ABCA10: variants seen among roughly 807,000 people sequenced by gnomAD.
The protein encoded by ABCA10 is ATP-binding cassette sub-family A member 10.
In ABCA10, 169 loss-of-function variants were observed where a neutral mutation model predicts 187.5. The ratio of observed to expected loss-of-function variants is 0.90; its 90% CI spans 0.80 to 1.02. The LOEUF (loss-of-function observed/expected upper bound fraction) is 1.02, where lower values mean the gene tolerates loss of function less well. ABCA10 is among the 50% of genes least tolerant of loss of function. The pLI is 0.00. For missense variants in ABCA10, 1,727 were observed against 1,812.4 expected (o/e 0.95, Z 0.86); for synonymous variants, 574 against 601.8 (o/e 0.95, Z 0.68).
In ABCA10 at chr17:69,182,148, C is replaced by CT; in HGVS notation, c.2769+4dup. On this transcript the variant is annotated splice_donor_region_variant and intron_variant, in intron 22 of 38. Coordinates refer to ENST00000690296, the MANE Select transcript of ABCA10 (RefSeq NM_001377321.1). ...CCTCTTATATAAGTCGAATACTCTA[C>CT]TTACACGAGAAAATGAAGTGCTCTC... The CT allele has an allele frequency of 6.4e-7, 1 of 1,573,196 alleles. No homozygotes were observed. The highest frequency in any genetic ancestry group is 8.6e-7 in the Non-Finnish European group (1 of 1,160,278).
intron 25 of ABCA10, among the ~76,000 whole-genome samples, chr17:69,171,844 T>C (rs571519629): frequency 2.7e-5 from 4 of 148,446 alleles, no homozygotes; most frequent in Non-Finnish European, 5.9e-5. Flanking sequence ...GTTTTAAGAA[T>C]GAGGGTGAAA....
At position 69,148,550 on chromosome 17, in the gene ABCA10, C is replaced by G; in HGVS notation, c.*277G>C. The G allele has an allele frequency of 3.5e-6, 1 of 288,612 alleles. No individual in the cohort carries two copies. The highest frequency in any genetic ancestry group is 6.5e-6 in the Non-Finnish European group (1 of 154,224). 17.9% of individuals were successfully genotyped at this position (288,612 alleles called of 1,614,324 possible). ...TTTATTGATAATAACCGATAACCAACCTAATATTGTATGATTTTTAAATTA... is the reference window on the plus strand; with the variant it reads ...TTTATTGATAATAACCGATAACCAAGCTAATATTGTATGATTTTTAAATTA... On this transcript the variant is annotated 3_prime_UTR_variant, in exon 39 of 39. Coordinates refer to ENST00000690296, the MANE Select transcript of ABCA10 (RefSeq NM_001377321.1).
intron 9 of ABCA10, among the ~76,000 whole-genome samples, chr17:69,208,257 A>C (rs2074606658): frequency 6.6e-6 from 1 of 151,942 alleles, no homozygotes; most frequent in East Asian, 1.9e-4. Context: ...CTCTACTAAA[A>C]ATACAAAAAA....
At chr17:69,180,365 A>G (rs749297912) in intron 22 of ABCA10, among the ~76,000 whole-genome samples, 5 of 152,188 alleles carry the variant, frequency 3.3e-5, no homozygotes, top group Non-Finnish European at 5.9e-5. Flanking sequence ...TATAATTATT[A>G]CTTTCAAGAA....
intron 3 of ABCA10, among the ~76,000 whole-genome samples, 200 bp downstream of exon 3, chr17:69,225,125 A>C (rs2074783063): frequency 6.6e-6 from 1 of 152,030 alleles, no homozygotes; most frequent in African/African-American, 2.4e-5. Context: ...AAAAACAAAC[A>C]AACAAACAAA....
intron 21 of ABCA10, 128 bp from the exon 22 acceptor site, chr17:69,182,418 C>A: frequency 1.0e-6 from 1 of 998,476 alleles, no homozygotes; most frequent in Non-Finnish European, 1.3e-6. Context: ...GACACTTCTG[C>A]CTTCTTTGAA....
At chr17:69,208,314 A>G (rs2074607127) in intron 9 of ABCA10, among the ~76,000 whole-genome samples, 1 of 149,180 alleles carries the variant, frequency 6.7e-6, no homozygotes, top group Non-Finnish European at 1.5e-5. Context: ...GCTATTCGGG[A>G]GGCTGAGGCA....
chr17:69,194,243 A>T, intron 12 of ABCA10, 142 bp downstream of exon 12: 1 of 759,260 alleles, frequency 1.3e-6, no homozygotes, highest in Non-Finnish European at 2.1e-6. Flanking sequence ...TCATGAATTT[A>T]TGTGCATATG....
rs1409390394 is a variant in ABCA10 at position 69,152,431 on chromosome 17, G to A, written c.4187C>T (p.Thr1396Ile). 6 of 1,613,858 alleles carry A rather than the reference G, an allele frequency of 3.7e-6. No individual in the cohort carries two copies. Among genetic ancestry groups the A allele is most frequent in the African/African-American group, 1.3e-5 (1 of 74,914 alleles). Reference sequence around the variant, plus strand: ...CTCAGCCTCTGACATGTAATGGGTGGTCAAGAGGGTGCCCCTCTCCTTGTT... The same window carrying A: ...CTCAGCCTCTGACATGTAATGGGTGATCAAGAGGGTGCCCCTCTCCTTGTT... The part of the protein sequence containing the change: ...VKNKERGTLL[T>I]THYMSEAEAV... Residue 1396 changes from threonine to isoleucine, a missense_variant, in exon 35 of 39, where the codon ACC becomes ATC. Transcript: ENST00000690296.
At chr17:69,180,403 T>C (rs1453548285) in intron 22 of ABCA10, among the ~76,000 whole-genome samples, 1 of 152,170 alleles carries the variant, frequency 6.6e-6, no homozygotes, top group African/African-American at 2.4e-5. Context: ...AATGACAAAC[T>C]GAGTCTGAAC....
intron 13 of ABCA10, 47 bp downstream of exon 13, chr17:69,193,767 A>C: frequency 1.9e-6 from 3 of 1,589,160 alleles, no homozygotes; most frequent in Non-Finnish European, 2.6e-6. Context: ...ATATATAGTC[A>C]AAAGTAAATT....
chr17:69,230,815 C>A (rs543920880), upstream of ABCA10, among the ~76,000 whole-genome samples: 1 of 152,188 alleles, frequency 6.6e-6, no homozygotes, highest in Admixed American at 6.5e-5. Flanking sequence ...AATTCTATTA[C>A]CTAATCTAAA....
intron 15 of ABCA10, 96 bp downstream of exon 15, chr17:69,193,014 C>T: frequency 1.4e-6 from 2 of 1,478,684 alleles, no homozygotes; most frequent in South Asian, 2.8e-5. Context: ...AAATAAACTG[C>T]AAACAAGATT....
chr17:69,239,564 G>A (rs11650955), intron 1 of ABCA10, among the ~76,000 whole-genome samples: 67,093 of 151,918 alleles, frequency 0.44, 16,206 homozygotes, highest in Non-Finnish European at 0.55. Flanking sequence ...GCTAGAGGCC[G>A]TGCTAAAATT....
chr17:69,156,945 C>T (rs764329614), intron 27 of ABCA10, 22 bp from the exon 28 acceptor site: 2 of 1,429,104 alleles, frequency 1.4e-6, no homozygotes, highest in African/African-American at 1.5e-5. Context: ...GAAAAATAAT[C>T]AGAATTAGCA....
Position 69,152,027 on chromosome 17 carries a change from C to T in ABCA10, c.4397+16G>A, listed in dbSNP as rs370137473. ...AAACACTCATACTTGTCACTCAAAC[C>T]GAAAACATCCTTTACCTTTCCTGCC... On this transcript the variant is annotated intron_variant, in intron 36 of 38. Transcript: ENST00000690296. 56 of 1,599,504 alleles carry T rather than the reference C, an allele frequency of 3.5e-5. No homozygotes were observed. Among genetic ancestry groups the T allele is most frequent in the East Asian group, 4.5e-5 (2 of 44,826 alleles).
upstream of ABCA10, among the ~76,000 whole-genome samples, chr17:69,232,659 A>C (rs2074839701): frequency 6.6e-6 from 1 of 152,146 alleles, no homozygotes; most frequent in South Asian, 2.1e-4. Flanking sequence ...TATGCTCCAC[A>C]ATTACAGTAT....
intron 20 of ABCA10, among the ~76,000 whole-genome samples, chr17:69,183,854 A>G (rs536903979): frequency 6.5e-4 from 99 of 152,252 alleles, no homozygotes; most frequent in African/African-American, 1.7e-3. Context: ...AGTTTCCTGG[A>G]CAGAATCTTG....
At chr17:69,203,594 C>A (rs1392644322) in intron 9 of ABCA10, among the ~76,000 whole-genome samples, 1 of 152,204 alleles carries the variant, frequency 6.6e-6, no homozygotes, top group Non-Finnish European at 1.5e-5. Flanking sequence ...TTAATTTGAT[C>A]CTCTCAAACA....
Sources: gnomAD v4.1 joint callset for allele counts (sites outside exome capture counted in the v4.1 genomes callset) on GRCh38, gnomAD v4.1.1 for gene constraint, MANE v1.5 for transcripts, NCBI Gene and HGNC (gene_info 2026-07-23, HGNC 2026-07-21) for gene names.